Variants in IL12RB2 observed in about 807,000 individuals in gnomAD.
IL12RB2 encodes the protein interleukin-12 receptor subunit beta-2.
In IL12RB2, 82 loss-of-function variants were observed where a neutral mutation model predicts 89.4. The observed-to-expected ratio is 0.92, with a 90% CI of 0.77 to 1.10. The LOEUF is 1.10. Among genes scored for constraint, IL12RB2 ranks in the 50% least tolerant of loss-of-function variants. The probability of loss-of-function intolerance (pLI) is 0.00; values close to 1 mark genes in which losing one functional copy is unlikely to be tolerated. For synonymous variants in IL12RB2, 368 were observed against 370.1 expected (o/e 0.99, Z 0.07); for missense variants, 963 against 1,031.9 (o/e 0.93, Z 0.92).
At chr1:67,349,525 C>G (rs940153076) in intron 9 of IL12RB2, among the ~76,000 whole-genome samples, 42 of 152,294 alleles carry the variant, frequency 2.8e-4, no homozygotes, top group African/African-American at 9.6e-4. Context: ...ATACAACAGG[C>G]CTATGAGATC....
chr1:67,314,540 C>T (rs1227947281), intron 2 of IL12RB2, among the ~76,000 whole-genome samples: 2 of 152,192 alleles, frequency 1.3e-5, no homozygotes, highest in Non-Finnish European at 2.9e-5. Flanking sequence ...TATAGCAGAA[C>T]TGAGATTCAT....
intron 14 of IL12RB2, among the ~76,000 whole-genome samples, chr1:67,382,764 G>C (rs1664746521): frequency 7.0e-6 from 1 of 143,200 alleles, no homozygotes; most frequent in Non-Finnish European, 1.5e-5. Flanking sequence ...GGAGTATAGT[G>C]GCATGATCAT....
At chr1:67,314,555 C>CT (rs536809015) in intron 2 of IL12RB2, among the ~76,000 whole-genome samples, 25 of 152,254 alleles carry the variant, frequency 1.6e-4, no homozygotes, top group Admixed American at 4.6e-4. Context: ...ATTCATTCAC[C>CT]TTTTTCTTTT....
chr1:67,380,063 A>T lies in IL12RB2; in HGVS notation c.1795A>T (p.Thr599Ser). The T allele has an allele frequency of 6.2e-7, 1 of 1,614,010 alleles. No homozygotes were observed. Among genetic ancestry groups the T allele is most frequent in the South Asian group, 1.1e-5 (1 of 91,076 alleles). Residue 599 changes from threonine to serine, a missense_variant, in exon 14 of 17, where the codon ACA (threonine) becomes TCA (serine). Coordinates refer to ENST00000674203, the MANE Select transcript of IL12RB2 (RefSeq NM_001374259.2). Reference sequence around the variant, plus strand: ...CCGAGTGACATATGTCCTGTGGATGACAGCTCTGACAGCTGCTGGTGAAAG... The same window carrying T: ...CCGAGTGACATATGTCCTGTGGATGTCAGCTCTGACAGCTGCTGGTGAAAG... ...QPRVTYVLWMTALTAAGESSH... is the reference protein window; with the variant it reads ...QPRVTYVLWMSALTAAGESSH...
chr1:67,329,497 T>G, intron 6 of IL12RB2, 90 bp from the exon 7 acceptor site: 1 of 832,738 alleles, frequency 1.2e-6, no homozygotes, highest in East Asian at 2.4e-5. Flanking sequence ...AACTGAGTTT[T>G]GTCAAACTCT....
At chr1:67,373,577 A>G (rs1049950783) in intron 13 of IL12RB2, among the ~76,000 whole-genome samples, 4 of 152,232 alleles carry the variant, frequency 2.6e-5, no homozygotes, top group Non-Finnish European at 5.9e-5. Context: ...GTATAAAACT[A>G]AAGCAATTAA....
At chr1:67,314,206 A>G (rs12084676) in intron 2 of IL12RB2, among the ~76,000 whole-genome samples, 4,762 of 152,254 alleles carry the variant, frequency 0.031, 261 homozygotes, top group African/African-American at 0.11. Flanking sequence ...TAACTCGTGT[A>G]GCTCCTTCCT....
intron 5 of IL12RB2, among the ~76,000 whole-genome samples, chr1:67,327,612 C>T (rs1657506402): frequency 6.6e-6 from 1 of 152,150 alleles, no homozygotes; most frequent in African/African-American, 2.4e-5. Flanking sequence ...ACCTAAGAGT[C>T]CATGAGAAGA....
intron 1 of IL12RB2, among the ~76,000 whole-genome samples, chr1:67,311,346 G>C (rs1230185564): frequency 3.3e-5 from 5 of 152,202 alleles, no homozygotes; most frequent in African/African-American, 1.2e-4. Context: ...AAGAGGGAAA[G>C]CAGTTAGACT....
intron 1 of IL12RB2, among the ~76,000 whole-genome samples, chr1:67,311,729 T>A (rs957500885): frequency 2.6e-5 from 4 of 152,168 alleles, no homozygotes; most frequent in Non-Finnish European, 5.9e-5. Flanking sequence ...GAATTCTTAA[T>A]TTATATGAGA....
chr1:67,391,431 C>A (rs1441953549), intron 16 of IL12RB2, among the ~76,000 whole-genome samples: 1 of 146,486 alleles, frequency 6.8e-6, no homozygotes, highest in Non-Finnish European at 1.5e-5. Context: ...TATATGTATA[C>A]AAACTGCTGT....
intron 9 of IL12RB2, among the ~76,000 whole-genome samples, chr1:67,346,634 C>CAAAGTG (rs1660271446): frequency 6.6e-6 from 1 of 152,132 alleles, no homozygotes; most frequent in Non-Finnish European, 1.5e-5. Flanking sequence ...GATTTGCCCA[C>CAAAGTG]CTCAGCCTCC....
At chr1:67,386,872 T>TTTTATATA (rs1473033781) in intron 15 of IL12RB2, among the ~76,000 whole-genome samples, 76 of 48,342 alleles carry the variant, frequency 1.6e-3, no homozygotes, top group Non-Finnish European at 2.8e-3. Context: ...GAAATGTATT[T>TTTTATATA]TATATATATA....
chr1:67,343,267 A>G (rs1659853116), intron 9 of IL12RB2, among the ~76,000 whole-genome samples: 1 of 152,240 alleles, frequency 6.6e-6, no homozygotes, highest in African/African-American at 2.4e-5. Context: ...TTTGTCACAG[A>G]GACAGGGTTT....
intron 2 of IL12RB2, among the ~76,000 whole-genome samples, chr1:67,317,109 G>A (rs1394110754): frequency 6.6e-6 from 1 of 152,202 alleles, no homozygotes; most frequent in Non-Finnish European, 1.5e-5. Context: ...GGAAAGTAAA[G>A]AGAATAGCAT....
chr1:67,346,378 ATT>A lies in IL12RB2; in HGVS notation c.1039-4466_1039-4465del, dbSNP rs10577525. ...TAAAATGTCCAGGTGAGGGTTGTCT[ATT>A]TTTTTTTTTTTTTTTTTTTTTTTTT... On this transcript the variant is annotated intron_variant, in intron 9 of 16. Coordinates refer to ENST00000674203, the MANE Select transcript of IL12RB2 (RefSeq NM_001374259.2). 6.9e-3 allele frequency among the ~76,000 whole-genome samples: 643 copies of A among 93,692 alleles called. 1 individual carries two copies. Among genetic ancestry groups the A allele is most frequent in the African/African-American group, 0.03 (575 of 19,312 alleles). The allele number at this position is 93,692 out of a possible 152,430, so 61.5% of individuals were successfully genotyped here. A position where few individuals can be genotyped will look rare whatever the true frequency, so the allele number is the denominator to read the frequency against.
intron 15 of IL12RB2, among the ~76,000 whole-genome samples, chr1:67,387,825 C>A (rs969094252): frequency 6.6e-6 from 1 of 151,908 alleles, no homozygotes; most frequent in Non-Finnish European, 1.5e-5. Flanking sequence ...CACACAGATG[C>A]AAATGTAAGA....
At chr1:67,365,687 A>T (rs1662590160) in intron 10 of IL12RB2, among the ~76,000 whole-genome samples, 2 of 152,188 alleles carry the variant, frequency 1.3e-5, no homozygotes, top group African/African-American at 4.8e-5. Flanking sequence ...ACATTGGGAA[A>T]AATTGACTCA....
chr1:67,370,386 C>T (rs1663171315), intron 11 of IL12RB2, among the ~76,000 whole-genome samples: 1 of 152,142 alleles, frequency 6.6e-6, no homozygotes, highest in Non-Finnish European at 1.5e-5. Context: ...CGTATAGAGC[C>T]ACTCCTTTTA....
Sources: gnomAD v4.1 joint callset for allele counts (sites outside exome capture counted in the v4.1 genomes callset) on GRCh38, gnomAD v4.1.1 for gene constraint, MANE v1.5 for transcripts, NCBI Gene and HGNC (gene_info 2026-07-23, HGNC 2026-07-21) for gene names.